The following CPNE4 variants were observed in gnomAD, a reference collection of about 807,000 sequenced individuals.
CPNE4 encodes the protein copine-4.
CPNE4 carries 25 observed loss-of-function variants against 67.9 expected under a neutral mutation model. That is an observed-to-expected ratio of 0.37 (90% CI 0.27 to 0.51). The LOEUF is 0.51. CPNE4 is among the 20% of genes least tolerant of loss of function. The pLI is 0.93. For missense variants in CPNE4, 464 were observed against 690.8 expected (o/e 0.67, Z 3.68); for synonymous variants, 242 against 244.9 (o/e 0.99, Z 0.11).
At chr3:131,937,157 C>G (rs1009712632) in intron 1 of CPNE4, among the ~76,000 whole-genome samples, 2 of 151,978 alleles carry the variant, frequency 1.3e-5, no homozygotes, top group Admixed American at 6.6e-5. Context: ...AATAAATAAT[C>G]CTGAAATAAA....
At chr3:131,689,497 A>G (rs1217732880) in intron 5 of CPNE4, among the ~76,000 whole-genome samples, 1 of 152,208 alleles carries the variant, frequency 6.6e-6, no homozygotes. Context: ...GATAAGATCC[A>G]ACATCCCTTC....
chr3:131,537,104 A>G (rs1351015865), intron 15 of CPNE4, among the ~76,000 whole-genome samples: 1 of 152,196 alleles, frequency 6.6e-6, no homozygotes. Context: ...AAAAAATTTC[A>G]GATAATTAAA....
chr3:132,018,636 T>C (rs1244911309), intron 1 of CPNE4, among the ~76,000 whole-genome samples: 1 of 152,190 alleles, frequency 6.6e-6, no homozygotes, highest in Non-Finnish European at 1.5e-5. Flanking sequence ...CTTGTAACAC[T>C]TCATTAAGCA....
intron 1 of CPNE4, among the ~76,000 whole-genome samples, chr3:131,975,814 G>T (rs1220607828): frequency 1.3e-5 from 2 of 151,870 alleles, no homozygotes; most frequent in African/African-American, 4.8e-5. Flanking sequence ...AGTGTACGCA[G>T]AACTTATCCA....
chr3:131,824,842 T>C (rs1211084693), intron 2 of CPNE4, among the ~76,000 whole-genome samples: 2 of 151,902 alleles, frequency 1.3e-5, no homozygotes, highest in East Asian at 1.9e-4. Flanking sequence ...GGACAGCAAA[T>C]TGGGGAGCAG....
intron 1 of CPNE4, among the ~76,000 whole-genome samples, chr3:131,931,759 T>C (rs2071067845): frequency 6.6e-6 from 1 of 152,156 alleles, no homozygotes; most frequent in Admixed American, 6.5e-5. Flanking sequence ...ATGCAGGGCA[T>C]AGTGAACAAA....
intron 7 of CPNE4, among the ~76,000 whole-genome samples, chr3:131,627,487 C>T (rs2079109496): frequency 6.6e-6 from 1 of 151,386 alleles, no homozygotes; most frequent in Admixed American, 6.6e-5. Flanking sequence ...CATTCTGCAG[C>T]CCATGGATCA....
At chr3:131,936,281 A>G (rs1428382208) in intron 1 of CPNE4, among the ~76,000 whole-genome samples, 1 of 152,034 alleles carries the variant, frequency 6.6e-6, no homozygotes, top group African/African-American at 2.4e-5. Flanking sequence ...TAGACTTATA[A>G]AGGAACTCAA....
At chr3:131,879,550 C>T (rs2087587694) in intron 2 of CPNE4, among the ~76,000 whole-genome samples, 2 of 152,248 alleles carry the variant, frequency 1.3e-5, no homozygotes, top group Admixed American at 6.5e-5. Context: ...TGAAACATCC[C>T]TTCCTCTCCC....
chr3:131,690,897 A>G (rs2081018726), intron 5 of CPNE4, among the ~76,000 whole-genome samples: 1 of 152,242 alleles, frequency 6.6e-6, no homozygotes, highest in Non-Finnish European at 1.5e-5. Context: ...GGCAAAGGAC[A>G]TGAGCAGACA....
intron 2 of CPNE4, among the ~76,000 whole-genome samples, chr3:131,887,626 CTTG>C (rs1023732279): frequency 4.6e-5 from 7 of 152,110 alleles, no homozygotes; most frequent in African/African-American, 7.2e-5. Flanking sequence ...GTATTTTCTT[CTTG>C]TTGTACTTTT....
At position 131,990,516 on chromosome 3, in the gene CPNE4, G is replaced by C. The variant is rs1455778118; in HGVS notation, c.-2+44051C>G. On this transcript the variant is annotated intron_variant, in intron 1 of 15. Transcript: ENST00000429747. ...CACAATAACAATTATATTGTATGAA[G>C]CATTTCAAGTACATATTCAATAAAA... Among the ~76,000 whole-genome samples the C allele has an allele frequency of 2.2e-5, 3 of 135,308 alleles. 1 individual carries two copies. The highest frequency in any genetic ancestry group is 7.4e-5 in the African/African-American group (3 of 40,504). The allele number at this position is 135,308 out of a possible 152,430, so 88.8% of individuals were successfully genotyped here.
intron 6 of CPNE4, among the ~76,000 whole-genome samples, chr3:131,685,436 C>G (rs6789564): frequency 0.11 from 16,219 of 150,960 alleles, 910 homozygotes; most frequent in African/African-American, 0.11. Context: ...AATGGCAGAA[C>G]CTTCTTGAGG....
At chr3:131,771,452 G>A (rs1475455584) in intron 2 of CPNE4, among the ~76,000 whole-genome samples, 1 of 151,960 alleles carries the variant, frequency 6.6e-6, no homozygotes, top group Non-Finnish European at 1.5e-5. Flanking sequence ...AAGGGTGAGG[G>A]GTGAGTAATA....
At chr3:131,915,727 C>G (rs947285401) in intron 1 of CPNE4, among the ~76,000 whole-genome samples, 3 of 152,054 alleles carry the variant, frequency 2.0e-5, no homozygotes, top group Non-Finnish European at 4.4e-5. Flanking sequence ...TTTGAGACAA[C>G]GGAGAGACCA....
intron 7 of CPNE4, among the ~76,000 whole-genome samples, chr3:131,617,937 T>C (rs1209176476): frequency 6.6e-6 from 1 of 152,216 alleles, no homozygotes; most frequent in Non-Finnish European, 1.5e-5. Context: ...AATTTCTTCA[T>C]TCATACATAC....
chr3:131,941,878 C>T (rs7643708), intron 1 of CPNE4, among the ~76,000 whole-genome samples: 32 of 152,050 alleles, frequency 2.1e-4, no homozygotes, highest in Non-Finnish European at 4.0e-4. Context: ...AAACCTAATA[C>T]AGGTAAAATT....
At chr3:131,905,816 A>T (rs1176247259) in intron 1 of CPNE4, among the ~76,000 whole-genome samples, 1 of 152,190 alleles carries the variant, frequency 6.6e-6, no homozygotes, top group East Asian at 1.9e-4. Flanking sequence ...TTGTTGGTTC[A>T]TCAATTTAAT....
At chr3:131,669,492 C>T (rs4854783) in intron 7 of CPNE4, among the ~76,000 whole-genome samples, 183 bp downstream of exon 7, 50,149 of 152,010 alleles carry the variant, frequency 0.33, 8,652 homozygotes, top group African/African-American at 0.4. Flanking sequence ...TGGGCTTTCA[C>T]ATAAGCTTCA....
Sources: gnomAD v4.1 joint callset for allele counts (sites outside exome capture counted in the v4.1 genomes callset) on GRCh38, gnomAD v4.1.1 for gene constraint, MANE v1.5 for transcripts, NCBI Gene and HGNC (gene_info 2026-07-23, HGNC 2026-07-21) for gene names.